The following PPP1R12B variants were observed in gnomAD, a reference collection of about 807,000 sequenced individuals.
PPP1R12B encodes the protein myosin phosphatase target subunit 2.
A neutral mutation model predicts 126.1 loss-of-function variants in PPP1R12B; 76 were observed. The ratio of observed to expected loss-of-function variants is 0.60; its 90% CI spans 0.50 to 0.73. The LOEUF is 0.73. PPP1R12B is among the 30% of genes least tolerant of loss of function. The pLI, the probability that PPP1R12B is intolerant of heterozygous loss-of-function variation, is 0.00. For synonymous variants in PPP1R12B, 356 were observed against 434.7 expected (o/e 0.82, Z 2.25); for missense variants, 1,052 against 1,205.1 (o/e 0.87, Z 1.88).
intron 1 of PPP1R12B, among the ~76,000 whole-genome samples, chr1:202,383,046 C>T (rs1176164836): frequency 6.6e-6 from 1 of 152,110 alleles, no homozygotes; most frequent in African/African-American, 2.4e-5. Flanking sequence ...AAATTGTCAT[C>T]ATATTCTCTT....
At chr1:202,356,136 A>C (rs1657050038) in intron 1 of PPP1R12B, among the ~76,000 whole-genome samples, 1 of 152,162 alleles carries the variant, frequency 6.6e-6, no homozygotes, top group African/African-American at 2.4e-5. Context: ...AGCTGTGTTC[A>C]CACCACTGCA....
Position 202,425,976 on chromosome 1 carries a change from G to GGGGAC in PPP1R12B, c.701+252_701+256dup, listed in dbSNP as rs113919637. On this transcript the variant is annotated intron_variant, in intron 4 of 23. Transcript: ENST00000608999. ...AGAGTTGAGGTACATGGTCCTAGGA[G>GGGGAC]GGGACTTCTTCCAGTTCTCTGATTT... is the stretch of plus-strand genomic sequence containing the variant. 1.8e-3 allele frequency among the ~76,000 whole-genome samples: 276 copies of GGGGAC among 152,282 alleles called. 1 individual carries two copies. The highest frequency in any genetic ancestry group is 6.4e-3 in the African/African-American group (268 of 41,564).
At chr1:202,415,632 T>A (rs936565965) in intron 1 of PPP1R12B, among the ~76,000 whole-genome samples, 3 of 152,164 alleles carry the variant, frequency 2.0e-5, no homozygotes, top group African/African-American at 7.2e-5. Context: ...TTTTTTTAGA[T>A]CTCATTGCTG....
At chr1:202,542,167 C>T (rs3753908) in intron 18 of PPP1R12B, among the ~76,000 whole-genome samples, 65,902 of 152,052 alleles carry the variant, frequency 0.43, 15,620 homozygotes, top group East Asian at 0.7. Flanking sequence ...TTAAGATCTC[C>T]CTAGCCTAGT....
chr1:202,404,193 C>T (rs868372984), intron 1 of PPP1R12B, among the ~76,000 whole-genome samples: 3 of 152,108 alleles, frequency 2.0e-5, no homozygotes, highest in African/African-American at 7.2e-5. Context: ...ATATAGGGAC[C>T]TTCATGGCTG....
At chr1:202,402,198 A>G (rs1665943828) in intron 1 of PPP1R12B, among the ~76,000 whole-genome samples, 1 of 152,204 alleles carries the variant, frequency 6.6e-6, no homozygotes, top group African/African-American at 2.4e-5. Context: ...CTACTTTTGG[A>G]ACATGAGGTT....
intron 1 of PPP1R12B, among the ~76,000 whole-genome samples, chr1:202,395,734 C>T (rs555561343): frequency 6.6e-6 from 1 of 152,320 alleles, no homozygotes; most frequent in South Asian, 2.1e-4. Flanking sequence ...TTTCCTTCTT[C>T]TCTTGCTTAG....
chr1:202,582,158 G>A lies in PPP1R12B; in HGVS notation c.*1598G>A, dbSNP rs1689584112. ...GCACTTGAGATATGTGCAGTGGGTG[G>A]TCTCCCCCTCAGTCTTACTTTGAGC... On this transcript the variant is annotated 3_prime_UTR_variant, in exon 24 of 24. Transcript: ENST00000608999. 1 of 152,126 alleles carries A rather than the reference G, an allele frequency of 6.6e-6. No individual in the cohort carries two copies. The highest frequency in any genetic ancestry group is 6.5e-5 in the Admixed American group (1 of 15,272). The allele number at this position is 152,126 out of a possible 1,614,324, so 9.4% of individuals were successfully genotyped here.
intron 14 of PPP1R12B, among the ~76,000 whole-genome samples, chr1:202,489,051 C>G (rs1169472806): frequency 6.7e-6 from 1 of 150,326 alleles, no homozygotes; most frequent in African/African-American, 2.4e-5. Flanking sequence ...AAAAACAAGA[C>G]AAAGCAAAAC....
chr1:202,459,749 A>C (rs1674080965), intron 13 of PPP1R12B, among the ~76,000 whole-genome samples: 1 of 152,128 alleles, frequency 6.6e-6, no homozygotes, highest in Non-Finnish European at 1.5e-5. Context: ...CATTTCTTCT[A>C]TTGAATTTAA....
At chr1:202,405,534 G>GT (rs1666486742) in intron 1 of PPP1R12B, among the ~76,000 whole-genome samples, 1 of 152,136 alleles carries the variant, frequency 6.6e-6, no homozygotes, top group Non-Finnish European at 1.5e-5. Context: ...CAGCTAACAC[G>GT]TAACATTTAA....
At chr1:202,502,156 C>CCAGAA (rs1266261522) in intron 18 of PPP1R12B, 2 of 985,024 alleles carry the variant, frequency 2.0e-6, no homozygotes, top group African/African-American at 3.5e-5. Context: ...CTGTCCCCAT[C>CCAGAA]CAGAATGCAA....
chr1:202,569,073 C>T, intron 22 of PPP1R12B, 74 bp from the exon 23 acceptor site: 1 of 1,503,060 alleles, frequency 6.7e-7, no homozygotes, highest in Non-Finnish European at 9.3e-7. Flanking sequence ...GCTGATCACA[C>T]AGCAGCTGGG....
chr1:202,485,143 TC>T (rs1677919320), intron 13 of PPP1R12B, among the ~76,000 whole-genome samples: 1 of 152,086 alleles, frequency 6.6e-6, no homozygotes, highest in Admixed American at 6.5e-5. Flanking sequence ...TTAGGCAGTT[TC>T]CCCCCTGTGC....
chr1:202,568,093 G>A lies in PPP1R12B; in HGVS notation c.2811+262G>A, dbSNP rs116895064. On this transcript the variant is annotated intron_variant, in intron 22 of 23. Transcript: ENST00000608999. ...GGAAGGGTCCTTGGAAGGTCATCTC[G>A]TACATTGTTCTGACTGTGGGCAGAA... 3.9e-4 allele frequency among the ~76,000 whole-genome samples: 60 copies of A among 151,978 alleles called. No homozygotes were observed. In the East Asian group the frequency reaches 9.1e-3, roughly 23 times the overall value.
chr1:202,486,442 A>C (rs993695449), intron 13 of PPP1R12B, among the ~76,000 whole-genome samples: 7 of 152,202 alleles, frequency 4.6e-5, no homozygotes, highest in Non-Finnish European at 1.0e-4. Flanking sequence ...AATTTCTTAA[A>C]AAACAATTAC....
chr1:202,493,801 C>A (rs1159826499), intron 15 of PPP1R12B, among the ~76,000 whole-genome samples: 1 of 152,104 alleles, frequency 6.6e-6, no homozygotes, highest in Non-Finnish European at 1.5e-5. Context: ...AGTGGTTAAG[C>A]CAGAGTTTGA....
intron 23 of PPP1R12B, among the ~76,000 whole-genome samples, chr1:202,573,150 CT>C (rs35682428): frequency 0.031 from 4,652 of 152,256 alleles, 191 homozygotes; most frequent in African/African-American, 0.096. Flanking sequence ...TTTCCATTGG[CT>C]TTTAAATTTG....
chr1:202,509,053 T>G (rs1681134032), intron 18 of PPP1R12B, among the ~76,000 whole-genome samples: 1 of 152,254 alleles, frequency 6.6e-6, no homozygotes. Context: ...AGCAGGCCGG[T>G]GGACTGGATT....
Sources: gnomAD v4.1 joint callset for allele counts (sites outside exome capture counted in the v4.1 genomes callset) on GRCh38, gnomAD v4.1.1 for gene constraint, MANE v1.5 for transcripts, NCBI Gene and HGNC (gene_info 2026-07-23, HGNC 2026-07-21) for gene names.